The following PCDHA2 variants were observed in gnomAD, a reference collection of about 807,000 sequenced individuals.
The protein encoded by PCDHA2 is protocadherin alpha-2.
A neutral mutation model predicts 66.0 loss-of-function variants in PCDHA2; 58 were observed. The ratio of observed to expected loss-of-function variants is 0.88; its 90% CI spans 0.71 to 1.09. The LOEUF is 1.09. PCDHA2 is among the 50% of genes least tolerant of loss of function. PCDHA2 has a pLI of 0.00. For missense variants in PCDHA2, 1,267 were observed against 1,242.3 expected, an observed-to-expected ratio of 1.02 and a Z score of -0.30; for synonymous variants, 634 against 554.0, an observed-to-expected ratio of 1.14 and a Z score of -2.03.
chr5:140,860,223 A>G (rs2046279598), intron 1 of PCDHA2: 1 of 150,246 alleles, frequency 6.7e-6, no homozygotes, highest in African/African-American at 2.4e-5. Context: ...TTATGTATAT[A>G]TAAGCCAGGC....
At chr5:140,976,742 AC>A (rs1170747899) in intron 1 of PCDHA2, among the ~76,000 whole-genome samples, 1 of 151,778 alleles carries the variant, frequency 6.6e-6, no homozygotes, top group Admixed American at 6.6e-5. Context: ...CATTTTAAAA[AC>A]CTCCCAGATG....
intron 1 of PCDHA2, chr5:140,807,609 C>G (rs554905188): frequency 6.2e-7 from 1 of 1,613,974 alleles, no homozygotes; most frequent in South Asian, 1.1e-5. Flanking sequence ...AAGAACCTGT[C>G]CATCGCGGAA....
rs782778779 is a variant in PCDHA2, at chr5:140,858,081, C to T, written c.2388+60729C>T. ...GAGGGCAGCCAGGCACCCAAGGCCT[C>T]GTCGCGGGCTTCAGTGGGCGTGGCG... On this transcript the variant is annotated intron_variant, in intron 1 of 3. Transcript: ENST00000526136. The T allele has an allele frequency of 6.9e-6, 11 of 1,597,646 alleles. 3 individuals are homozygous for T. The highest frequency in any genetic ancestry group is 1.7e-5 in the Admixed American group (1 of 59,270).
intron 1 of PCDHA2, chr5:140,860,444 T>C (rs1311147382): frequency 6.6e-6 from 1 of 152,156 alleles, no homozygotes; most frequent in South Asian, 2.1e-4. Flanking sequence ...CTTTTTCATA[T>C]TAATTCACGT....
chr5:140,802,045 C>A (rs781990436), intron 1 of PCDHA2: 2 of 1,614,140 alleles, frequency 1.2e-6, no homozygotes, highest in East Asian at 2.2e-5. Flanking sequence ...TCTTTCAATA[C>A]GGACATGTCA....
At position 140,795,474 on chromosome 5, in the gene PCDHA2, C is replaced by T. The variant is rs144516913; in HGVS notation, c.510C>T (p.Tyr170=). ...TAGGAGTAAATGCTCTTCTCTCCTACAAGCTCAGCTCCAGTGAGTTTTTCT... is the reference window on the plus strand; with the variant it reads ...TAGGAGTAAATGCTCTTCTCTCCTATAAGCTCAGCTCCAGTGAGTTTTTCT... ...ADIGVNALLS[Y]KLSSSEFFFL... The change falls in exon 1 of 4, where the codon TAC becomes TAT. Residue 170 remains tyrosine, a synonymous_variant. Transcript: ENST00000526136. 6.2e-7 allele frequency: 1 copy of T among 1,614,144 alleles called. No individual in the cohort carries two copies. Among genetic ancestry groups the T allele is most frequent in the Non-Finnish European group, 8.5e-7 (1 of 1,180,030 alleles).
At chr5:140,936,291 A>G (rs996685658) in intron 1 of PCDHA2, among the ~76,000 whole-genome samples, 2 of 152,174 alleles carry the variant, frequency 1.3e-5, no homozygotes, top group African/African-American at 4.8e-5. Flanking sequence ...CTTCTATAAC[A>G]TTGCTATCCA....
chr5:140,849,773 C>A (rs1554143291), intron 1 of PCDHA2: 12 of 1,598,418 alleles, frequency 7.5e-6, no homozygotes, highest in Non-Finnish European at 1.0e-5. Flanking sequence ...TGGTGGTTAC[C>A]GCGCGGGACG....
At chr5:140,852,693 C>G in intron 1 of PCDHA2, 2 of 973,482 alleles carry the variant, frequency 2.1e-6, no homozygotes, top group Non-Finnish European at 2.5e-6. Flanking sequence ...TAGTCTTATA[C>G]TTTCAAGTAT....
chr5:140,921,940 C>T (rs114983283), intron 1 of PCDHA2, among the ~76,000 whole-genome samples: 6,108 of 151,846 alleles, frequency 0.04, 136 homozygotes, highest in Non-Finnish European at 0.052. Context: ...TATAATTTTA[C>T]ACTTGTAAAA....
At chr5:140,802,229 T>C (rs781982599) in intron 1 of PCDHA2, 5 of 1,614,226 alleles carry the variant, frequency 3.1e-6, no homozygotes, top group Middle Eastern at 1.6e-4. Flanking sequence ...TGGACATCAA[T>C]GATAATGTAC....
At position 140,796,749 on chromosome 5, in the gene PCDHA2, C is replaced by T. The variant is rs1554120080; in HGVS notation, c.1785C>T (p.Arg595=). 7 of 1,614,118 alleles carry T rather than the reference C, an allele frequency of 4.3e-6. No individual in the cohort carries two copies. The South Asian group carries it at 5.5e-5, about 13-fold the overall frequency. The change falls in exon 1 of 4, where the codon CGC becomes CGT. Residue 595 remains arginine (R), a synonymous_variant. Transcript: ENST00000526136. ...VGAGHVVAKV[R]AVDADSGYNA... ...CAGGGCACGTGGTGGCGAAGGTGCGCGCAGTGGACGCTGACTCAGGCTACA... is the reference window on the plus strand; with the variant it reads ...CAGGGCACGTGGTGGCGAAGGTGCGTGCAGTGGACGCTGACTCAGGCTACA...
intron 1 of PCDHA2, 102 bp from the exon 2 acceptor site, chr5:140,978,847 G>GA: frequency 6.4e-7 from 1 of 1,570,216 alleles, no homozygotes; most frequent in Non-Finnish European, 8.6e-7. Context: ...TACTTTTTTA[G>GA]ATGCCTGGAA....
intron 1 of PCDHA2, chr5:140,804,998 A>C: frequency 6.5e-7 from 1 of 1,532,070 alleles, no homozygotes; most frequent in Non-Finnish European, 8.7e-7. Flanking sequence ...TATTTTAAAA[A>C]TTTAGTTCTG....
At position 140,877,266 on chromosome 5, in the gene PCDHA2, C is replaced by A. The variant is rs2056980298; in HGVS notation, c.2388+79914C>A. The A allele has an allele frequency of 4.3e-6, 7 of 1,613,808 alleles. No individual in the cohort carries two copies. The South Asian group carries it at 5.5e-5, about 13-fold the overall frequency. ...TGGTGGCGAAAGTGCGCGCGGTGGA[C>A]GCTGACTCCGGCTATAACGCTTGGC... On this transcript the variant is annotated intron_variant, in intron 1 of 3. Transcript: ENST00000526136.
rs1301631971 is a variant in PCDHA2, at chr5:141,011,367, C to G, written c.*1430C>G. ...CAATCTCCCATATGTATGCTGTATG[C>G]TATGCTAAGACTCCTGAAATATACT... On this transcript the variant is annotated 3_prime_UTR_variant, in exon 4 of 4. Transcript: ENST00000526136. The G allele has an allele frequency of 1.3e-5, 2 of 153,830 alleles. No homozygotes were observed. The highest frequency in any genetic ancestry group is 1.3e-4 in the Admixed American group (2 of 15,298). 9.5% of individuals were successfully genotyped at this position (153,830 alleles called of 1,614,324 possible). A position where few individuals can be genotyped will look rare whatever the true frequency, so the allele number is the denominator to read the frequency against.
At chr5:140,989,637 T>C (rs1274152423) in intron 3 of PCDHA2, among the ~76,000 whole-genome samples, 2 of 152,070 alleles carry the variant, frequency 1.3e-5, no homozygotes, top group African/African-American at 4.8e-5. Flanking sequence ...ACAGCAAGGG[T>C]CTTTCATGGC....
intron 1 of PCDHA2, among the ~76,000 whole-genome samples, chr5:140,886,844 AAAAG>A (rs1232979230): frequency 6.0e-5 from 9 of 150,634 alleles, no homozygotes; most frequent in Non-Finnish European, 8.9e-5. Flanking sequence ...AAAAAAAAAA[AAAAG>A]AAAGGTCTTC....
At chr5:140,931,782 C>T (rs967402790) in intron 1 of PCDHA2, among the ~76,000 whole-genome samples, 9 of 151,848 alleles carry the variant, frequency 5.9e-5, no homozygotes, top group Non-Finnish European at 5.9e-5. Flanking sequence ...GTTCAATTAC[C>T]TATTGATCTG....
Sources: allele counts gnomAD v4.1 joint callset (sites outside exome capture counted in the v4.1 genomes callset), GRCh38; gene constraint gnomAD v4.1.1; transcripts MANE v1.5; gene names NCBI Gene and HGNC (gene_info 2026-07-23, HGNC 2026-07-21).